The following RAB7A variants were observed in gnomAD, a reference collection of about 807,000 sequenced individuals.
RAB7A encodes RAB7A, member RAS oncogene family.
A neutral mutation model predicts 24.5 loss-of-function variants in RAB7A; 2 were observed. The observed-to-expected ratio is 0.08, with a 90% confidence interval of 0.03 to 0.26. The LOEUF is 0.26. RAB7A is among the 10% of genes least tolerant of loss of function. RAB7A has a pLI of 1.00. For synonymous variants in RAB7A, 100 were observed against 95.9 expected (o/e 1.04, Z -0.25); for missense variants, 118 against 255.7 (o/e 0.46, Z 3.67).
intron 1 of RAB7A, among the ~76,000 whole-genome samples, chr3:128,777,644 T>C (rs187175381): frequency 9.2e-5 from 14 of 152,342 alleles, no homozygotes; most frequent in Admixed American, 7.8e-4. Flanking sequence ...TTACACAGAA[T>C]TGTAAAAATT....
At chr3:128,798,272 A>T (rs1933616959) in intron 3 of RAB7A, 3 of 526,342 alleles carry the variant, frequency 5.7e-6, no homozygotes, top group Middle Eastern at 4.1e-4. Flanking sequence ...CTCAGATACG[A>T]CTTGCTAAGA....
intron 1 of RAB7A, among the ~76,000 whole-genome samples, chr3:128,793,457 T>C (rs976298538): frequency 1.3e-5 from 2 of 150,282 alleles, no homozygotes; most frequent in African/African-American, 5.0e-5. Flanking sequence ...CCCAGCCTTT[T>C]CTATTTTTAG....
chr3:128,737,652 T>C (rs1201930449), intron 1 of RAB7A, among the ~76,000 whole-genome samples: 1 of 133,594 alleles, frequency 7.5e-6, no homozygotes, highest in Non-Finnish European at 1.6e-5. Context: ...TCTGTCTCTC[T>C]TTTTTTTTTT....
intron 1 of RAB7A, among the ~76,000 whole-genome samples, chr3:128,773,285 G>A (rs1341229098): frequency 6.7e-6 from 1 of 148,984 alleles, no homozygotes; most frequent in African/African-American, 2.5e-5. Flanking sequence ...CCCAGCAGCC[G>A]CCCCATCTGA....
chr3:128,767,483 T>C (rs1260810310), intron 1 of RAB7A, among the ~76,000 whole-genome samples: 1 of 151,920 alleles, frequency 6.6e-6, no homozygotes, highest in Non-Finnish European at 1.5e-5. Flanking sequence ...AGGAAATAAA[T>C]TAGGAGTCAA....
intron 1 of RAB7A, among the ~76,000 whole-genome samples, chr3:128,761,710 C>T (rs2070777011): frequency 6.6e-6 from 1 of 152,224 alleles, no homozygotes; most frequent in South Asian, 2.1e-4. Flanking sequence ...AGAGCAGCAG[C>T]TGTCAACCTA....
chr3:128,779,492 A>G (rs1210340779), intron 1 of RAB7A, among the ~76,000 whole-genome samples: 2 of 151,734 alleles, frequency 1.3e-5, no homozygotes, highest in Non-Finnish European at 2.9e-5. Context: ...ATTTCTAAAT[A>G]CATAGAATTG....
chr3:128,738,779 A>C (rs1343782694), intron 1 of RAB7A, among the ~76,000 whole-genome samples: 1 of 151,224 alleles, frequency 6.6e-6, no homozygotes, highest in African/African-American at 2.5e-5. Context: ...ATATTTCTCA[A>C]ATGGCTTTTG....
intron 1 of RAB7A, among the ~76,000 whole-genome samples, chr3:128,779,581 T>G: frequency 7.3e-6 from 1 of 136,598 alleles, no homozygotes; most frequent in Non-Finnish European, 1.6e-5. Flanking sequence ...GTTGTGTGTG[T>G]GTTGGGGTGG....
At chr3:128,800,648 C>T (rs1933678720) in intron 3 of RAB7A, among the ~76,000 whole-genome samples, 1 of 152,178 alleles carries the variant, frequency 6.6e-6, no homozygotes, top group East Asian at 1.9e-4. Flanking sequence ...AAGCACAGCA[C>T]TGAGGCTGTC....
At chr3:128,792,579 T>C (rs1173937852) in intron 1 of RAB7A, among the ~76,000 whole-genome samples, 2 of 150,794 alleles carry the variant, frequency 1.3e-5, no homozygotes, top group African/African-American at 4.9e-5. Context: ...GCTATTTTTT[T>C]GTGTATTTAG....
chr3:128,768,548 G>C (rs559995383), intron 1 of RAB7A, among the ~76,000 whole-genome samples: 25 of 152,062 alleles, frequency 1.6e-4, no homozygotes, highest in Middle Eastern at 3.4e-3. Context: ...TAAAGTGTGC[G>C]TGTTTTGTTT....
chr3:128,763,624 C>A (rs9852854), intron 1 of RAB7A, among the ~76,000 whole-genome samples: 8,119 of 152,134 alleles, frequency 0.053, 630 homozygotes, highest in African/African-American at 0.17. Flanking sequence ...TAGTCACAGC[C>A]ATATCACTGC....
chr3:128,737,853 T>TTTTTTTTTTTTTTTTTTG (rs1351374207), intron 1 of RAB7A, among the ~76,000 whole-genome samples: 1 of 129,316 alleles, frequency 7.7e-6, no homozygotes, highest in African/African-American at 3.2e-5. Context: ...TTTTTTTTTT[T>TTTTTTTTTTTTTTTTTTG]TTTTAAGAGA....
chr3:128,778,850 C>T (rs1933151705), intron 1 of RAB7A, among the ~76,000 whole-genome samples: 1 of 152,090 alleles, frequency 6.6e-6, no homozygotes, highest in African/African-American at 2.4e-5. Context: ...GATCGATAGA[C>T]TGGGTGTCTC....
chr3:128,814,341 T>A lies in RAB7A; in HGVS notation c.*919T>A, dbSNP rs2107618838. 6.5e-6 allele frequency: 1 copy of A among 152,850 alleles called. No homozygotes were observed. The highest frequency in any genetic ancestry group is 6.5e-5 in the Admixed American group (1 of 15,308). 9.5% of individuals were successfully genotyped at this position (152,850 alleles called of 1,614,324 possible). ...GTCTAAATTTTCCAAAACGTTGATT[T>A]GCATAATACAGTGGTATGTGCAATG... On this transcript the variant is annotated 3_prime_UTR_variant, in exon 6 of 6. Coordinates refer to ENST00000265062, the MANE Select transcript of RAB7A (RefSeq NM_004637.6).
chr3:128,739,784 A>G (rs1426579006), intron 1 of RAB7A, among the ~76,000 whole-genome samples: 1 of 152,180 alleles, frequency 6.6e-6, no homozygotes, highest in Non-Finnish European at 1.5e-5. Flanking sequence ...AAAGTATTTA[A>G]TAGGGCCGGG....
At chr3:128,769,234 A>G (rs920177380) in intron 1 of RAB7A, among the ~76,000 whole-genome samples, 1 of 152,050 alleles carries the variant, frequency 6.6e-6, no homozygotes, top group African/African-American at 2.4e-5. Flanking sequence ...TCTAACTTTT[A>G]AAATGGTTTT....
At chr3:128,755,559 A>G (rs923127528) in intron 1 of RAB7A, among the ~76,000 whole-genome samples, 1 of 152,222 alleles carries the variant, frequency 6.6e-6, no homozygotes, top group Non-Finnish European at 1.5e-5. Context: ...GGAAAAGACT[A>G]ACAAAATTGA....
Sources: gnomAD v4.1 joint callset for allele counts (sites outside exome capture counted in the v4.1 genomes callset) on GRCh38, gnomAD v4.1.1 for gene constraint, MANE v1.5 for transcripts, NCBI Gene and HGNC (gene_info 2026-07-23, HGNC 2026-07-21) for gene names.